C1QTNF3: variants seen among roughly 807,000 people sequenced by gnomAD.
C1QTNF3 encodes complement C1q tumor necrosis factor-related protein 3.
A neutral mutation model predicts 32.6 loss-of-function variants in C1QTNF3; 26 were observed. The ratio of observed to expected loss-of-function variants is 0.80; its 90% CI spans 0.58 to 1.11. C1QTNF3 has a LOEUF of 1.11. Ranked by LOEUF, C1QTNF3 falls within the 50% of genes least tolerant of loss-of-function variation. C1QTNF3 has a pLI of 0.00. For synonymous variants in C1QTNF3, 155 were observed against 146.0 expected (o/e 1.06, Z -0.44); for missense variants, 362 against 398.2 (o/e 0.91, Z 0.77).
chr5:34,222,015 C>G, the C1QTNF3 span, among the ~76,000 whole-genome samples: 3 of 151,972 alleles, frequency 2.0e-5, no homozygotes, highest in African/African-American at 2.4e-5. Context: ...TTTTCCTAGA[C>G]TAATTCTCAT....
At chr5:34,065,661 C>G in the C1QTNF3 span, among the ~76,000 whole-genome samples, 2 of 117,820 alleles carry the variant, frequency 1.7e-5, no homozygotes, top group African/African-American at 5.3e-5. Context: ...GAGGGAAACT[C>G]CATCTCAAAA....
At chr5:34,045,049 G>A (rs1254397208), upstream of C1QTNF3, among the ~76,000 whole-genome samples, 2 of 152,194 alleles carry the variant, frequency 1.3e-5, no homozygotes, top group Admixed American at 1.3e-4. Context: ...CAGTGGGGGT[G>A]TTCCCTCCTC....
chr5:34,091,029 T>C, the C1QTNF3 span, among the ~76,000 whole-genome samples: 2 of 152,230 alleles, frequency 1.3e-5, no homozygotes, highest in African/African-American at 2.4e-5. Context: ...TTGGTATTTG[T>C]AGGGGAAGGG....
chr5:34,020,218 G>C lies in C1QTNF3; in HGVS notation c.*365C>G, dbSNP rs1204538496. 2 of 182,882 alleles carry C rather than the reference G, an allele frequency of 1.1e-5. No homozygotes were observed. Among genetic ancestry groups the C allele is most frequent in the African/African-American group, 4.7e-5 (2 of 42,298 alleles). 11.3% of individuals were successfully genotyped at this position (182,882 alleles called of 1,614,324 possible). On this transcript the variant is annotated 3_prime_UTR_variant, in exon 6 of 6. Coordinates refer to ENST00000382065, the MANE Select transcript of C1QTNF3 (RefSeq NM_181435.6). ...AGAATAATGAACTTAAAACTTCAGGGGTTCCTGAAAACTGGTATTAAATTA... is the reference window on the plus strand; with the variant it reads ...AGAATAATGAACTTAAAACTTCAGGCGTTCCTGAAAACTGGTATTAAATTA...
In C1QTNF3 at chr5:34,018,045, A is replaced by G. The variant is rs549135133; in HGVS notation, c.*2538T>C. Among the ~76,000 whole-genome samples the G allele has an allele frequency of 8.0e-4, 122 of 152,004 alleles. No individual in the cohort carries two copies. The highest frequency in any genetic ancestry group is 1.6e-3 in the Non-Finnish European group (111 of 67,962). ...TAATATGTTTAGTCCAACCCATTAG[A>G]GCAAGATACAAAAATATATAAAAAG... On this transcript the variant is annotated 3_prime_UTR_variant, in exon 6 of 6. Coordinates refer to ENST00000382065, the MANE Select transcript of C1QTNF3 (RefSeq NM_181435.6).
chr5:34,132,435 G>GTATATGTATATA, the C1QTNF3 span, among the ~76,000 whole-genome samples: 4 of 137,722 alleles, frequency 2.9e-5, no homozygotes, highest in Admixed American at 2.9e-4. Context: ...GTATGTGTAT[G>GTATATGTATATA]TATATATATA....
chr5:34,038,564 C>A (rs1754795354), intron 1 of C1QTNF3, among the ~76,000 whole-genome samples: 1 of 152,120 alleles, frequency 6.6e-6, no homozygotes, highest in African/African-American at 2.4e-5. Context: ...TCTGGAATTT[C>A]TTTATTTGAC....
the C1QTNF3 span, among the ~76,000 whole-genome samples, chr5:34,142,005 A>G: frequency 6.6e-6 from 1 of 152,096 alleles, no homozygotes; most frequent in East Asian, 1.9e-4. Flanking sequence ...CACTCAGAAT[A>G]GGTGGGGATT....
At chr5:34,054,382 G>A in the C1QTNF3 span, among the ~76,000 whole-genome samples, 1 of 152,172 alleles carries the variant, frequency 6.6e-6, no homozygotes, top group Non-Finnish European at 1.5e-5. Context: ...CTATCCAGGG[G>A]CCAGTAGACT....
At chr5:34,127,252 T>A in the C1QTNF3 span, among the ~76,000 whole-genome samples, 1 of 151,974 alleles carries the variant, frequency 6.6e-6, no homozygotes, top group Non-Finnish European at 1.5e-5. Flanking sequence ...GGGCAGAGGT[T>A]GGGAGAGTTT....
the C1QTNF3 span, among the ~76,000 whole-genome samples, chr5:34,090,130 CT>C: frequency 1.3e-5 from 2 of 151,774 alleles, no homozygotes; most frequent in Non-Finnish European, 2.9e-5. Context: ...GTAAAAATTG[CT>C]TATGACACAC....
chr5:34,234,875 A>C, the C1QTNF3 span, among the ~76,000 whole-genome samples: 2 of 152,088 alleles, frequency 1.3e-5, no homozygotes, highest in African/African-American at 4.8e-5. Context: ...GCAATTTGGG[A>C]TGCTTGAGGA....
chr5:34,033,919 T>C (rs1754676304), intron 2 of C1QTNF3, among the ~76,000 whole-genome samples: 1 of 152,242 alleles, frequency 6.6e-6, no homozygotes, highest in African/African-American at 2.4e-5. Flanking sequence ...CTCAACACTT[T>C]GCGAAGCCAC....
the C1QTNF3 span, among the ~76,000 whole-genome samples, chr5:34,074,205 T>A: frequency 6.7e-6 from 1 of 148,604 alleles, no homozygotes; most frequent in Non-Finnish European, 1.5e-5. Flanking sequence ...TTAAATTGAA[T>A]TCACGTGTCT....
the C1QTNF3 span, among the ~76,000 whole-genome samples, chr5:34,194,550 C>T: frequency 8.0e-3 from 1,199 of 149,650 alleles, no homozygotes; most frequent in African/African-American, 0.03. Context: ...GAAACCACCA[C>T]GAGTATAAAC....
the C1QTNF3 span, among the ~76,000 whole-genome samples, chr5:34,125,157 T>C: frequency 6.6e-6 from 1 of 152,150 alleles, no homozygotes; most frequent in East Asian, 1.9e-4. Flanking sequence ...GATGAGTGGG[T>C]TGGCCAGATG....
the C1QTNF3 span, among the ~76,000 whole-genome samples, chr5:34,213,054 A>C: frequency 6.6e-6 from 1 of 152,270 alleles, no homozygotes; most frequent in South Asian, 2.1e-4. Context: ...AAAACAACTA[A>C]GAGTGGATTT....
chr5:34,211,329 G>A, the C1QTNF3 span, among the ~76,000 whole-genome samples: 2 of 151,840 alleles, frequency 1.3e-5, no homozygotes, highest in African/African-American at 2.4e-5. Context: ...TGAACTCCTA[G>A]GATCTTAGAT....
the C1QTNF3 span, among the ~76,000 whole-genome samples, chr5:34,142,446 CAGAAA>C: frequency 7.8e-6 from 1 of 127,414 alleles, no homozygotes; most frequent in Non-Finnish European, 1.7e-5. Flanking sequence ...AAAAAAAAAA[CAGAAA>C]AGAAAAGACA....
Sources: allele counts gnomAD v4.1 joint callset (sites outside exome capture counted in the v4.1 genomes callset), GRCh38; gene constraint gnomAD v4.1.1; transcripts MANE v1.5; gene names NCBI Gene and HGNC (gene_info 2026-07-23, HGNC 2026-07-21).